KSR2: variants seen among roughly 807,000 people sequenced by gnomAD.
KSR2 encodes kinase suppressor of ras 2.
In KSR2, 25 loss-of-function variants were observed where a neutral mutation model predicts 107.8. The ratio of observed to expected loss-of-function variants is 0.23; its 90% CI spans 0.17 to 0.32. The LOEUF is 0.32. Ranked by LOEUF, KSR2 falls within the 10% of genes least tolerant of loss-of-function variation. The probability of loss-of-function intolerance (pLI) is 1.00; values close to 1 mark genes in which losing one functional copy is unlikely to be tolerated. For missense variants in KSR2, 887 were observed against 1,268.9 expected (o/e 0.70, Z 4.57); for synonymous variants, 480 against 507.0 (o/e 0.95, Z 0.71).
At chr12:117,968,028 G>A in intron 1 of KSR2, 48 bp downstream of exon 1, 1 of 1,059,932 alleles carries the variant, frequency 9.4e-7, no homozygotes, top group Non-Finnish European at 1.3e-6. Flanking sequence ...AAGAAGGATT[G>A]CTTTTTTTTT....
chr12:117,485,728 C>A lies in KSR2; in HGVS notation c.2220-37G>T. The A allele has an allele frequency of 3.5e-6, 5 of 1,444,176 alleles. No homozygotes were observed. In the South Asian group the frequency reaches 5.7e-5, roughly 17 times the overall value. 89.5% of individuals were successfully genotyped at this position (1,444,176 alleles called of 1,614,324 possible). On this transcript the variant is annotated intron_variant, in intron 14 of 19. Coordinates refer to ENST00000339824, the MANE Select transcript of KSR2 (RefSeq NM_173598.6). ...AAGGACAAGATAAATTAATGGCAGT[C>A]GTTCAGAAGAAGGTGACCCACAACA...
At chr12:117,941,089 A>AAT (rs1895991153) in intron 1 of KSR2, among the ~76,000 whole-genome samples, 1 of 152,028 alleles carries the variant, frequency 6.6e-6, no homozygotes, top group African/African-American at 2.4e-5. Flanking sequence ...TGTCTCAAAA[A>AAT]AATAATAATA....
intron 1 of KSR2, among the ~76,000 whole-genome samples, chr12:117,931,868 G>A (rs1566087475): frequency 1.3e-5 from 2 of 152,174 alleles, no homozygotes; most frequent in African/African-American, 4.8e-5. Context: ...TGCACCTATT[G>A]TCTAATCCTC....
intron 14 of KSR2, among the ~76,000 whole-genome samples, chr12:117,513,047 C>A (rs1184971505): frequency 6.6e-6 from 1 of 152,134 alleles, no homozygotes; most frequent in Non-Finnish European, 1.5e-5. Flanking sequence ...TGAGCACCTA[C>A]TTTGTGCAGG....
intron 4 of KSR2, among the ~76,000 whole-genome samples, chr12:117,736,366 C>T (rs558396824): frequency 6.6e-6 from 1 of 152,302 alleles, no homozygotes; most frequent in South Asian, 2.1e-4. Flanking sequence ...CTGTCTGTCT[C>T]CTCTTCTGGC....
intron 1 of KSR2, among the ~76,000 whole-genome samples, chr12:117,944,207 T>C (rs779900239): frequency 1.3e-5 from 2 of 151,716 alleles, no homozygotes; most frequent in Non-Finnish European, 2.9e-5. Context: ...AGAAAGCCCG[T>C]CTCTACTAAA....
chr12:117,479,112 T>C (rs1432048789), intron 16 of KSR2, among the ~76,000 whole-genome samples: 1 of 152,196 alleles, frequency 6.6e-6, no homozygotes, highest in Non-Finnish European at 1.5e-5. Context: ...ATGTATCCCA[T>C]ACATGCGATT....
At chr12:117,558,361 A>T in intron 8 of KSR2, 145 bp downstream of exon 8, 1 of 641,780 alleles carries the variant, frequency 1.6e-6, no homozygotes, top group Non-Finnish European at 2.8e-6. Context: ...GTCAGGAAAC[A>T]GGGCGTCAGA....
At chr12:117,712,640 A>G (rs1172531080) in intron 4 of KSR2, among the ~76,000 whole-genome samples, 3 of 152,250 alleles carry the variant, frequency 2.0e-5, no homozygotes, top group Non-Finnish European at 4.4e-5. Context: ...AGTGTCTGGC[A>G]CATGGTAAGG....
intron 14 of KSR2, among the ~76,000 whole-genome samples, chr12:117,513,269 G>T (rs577536096): frequency 6.4e-4 from 98 of 152,220 alleles, no homozygotes; most frequent in African/African-American, 2.3e-3. Flanking sequence ...ATTCCCAGTG[G>T]TCAATCAATC....
chr12:117,772,103 C>T (rs1054644855), intron 3 of KSR2, among the ~76,000 whole-genome samples: 12 of 150,192 alleles, frequency 8.0e-5, no homozygotes, highest in African/African-American at 3.0e-4. Context: ...CACACACATA[C>T]ACACCTTTCC....
chr12:117,937,194 T>C (rs1158233107), intron 1 of KSR2, among the ~76,000 whole-genome samples: 1 of 152,264 alleles, frequency 6.6e-6, no homozygotes, highest in East Asian at 1.9e-4. Context: ...ATAGTTAATC[T>C]GATCAAACAA....
intron 1 of KSR2, among the ~76,000 whole-genome samples, chr12:117,966,512 T>A (rs1282543412): frequency 6.6e-6 from 1 of 151,966 alleles, no homozygotes; most frequent in Admixed American, 6.6e-5. Context: ...CACCTTGACA[T>A]TGATCTTATT....
chr12:117,952,699 T>C (rs1896397936), intron 1 of KSR2, among the ~76,000 whole-genome samples: 3 of 151,138 alleles, frequency 2.0e-5, no homozygotes. Context: ...AACAACAACT[T>C]TTGGCCGTGC....
chr12:117,795,549 C>T (rs185093666), intron 3 of KSR2, among the ~76,000 whole-genome samples: 245 of 152,254 alleles, frequency 1.6e-3, no homozygotes, highest in Non-Finnish European at 3.0e-3. Context: ...ATGACATTTG[C>T]CTCCAAGATG....
chr12:117,727,212 T>TA (rs56217436), intron 4 of KSR2, among the ~76,000 whole-genome samples: 20,971 of 139,768 alleles, frequency 0.15, 1,563 homozygotes, highest in African/African-American at 0.19. Context: ...CCCATCTCTA[T>TA]AAAAAAAAAA....
In KSR2 at chr12:117,868,955, G is replaced by A. The variant is rs144348078; in HGVS notation, c.181-8524C>T. On this transcript the variant is annotated intron_variant, in intron 1 of 19. Transcript: ENST00000339824. Reference sequence around the variant, plus strand: ...CAGTAGAGATGAGGTTTTGTGCCACGTTGACCAGGTTGGTCTCGAACTCCC... The same window carrying A: ...CAGTAGAGATGAGGTTTTGTGCCACATTGACCAGGTTGGTCTCGAACTCCC... Among the ~76,000 whole-genome samples the A allele has an allele frequency of 3.9e-5, 6 of 152,008 alleles. No homozygotes were observed. The East Asian group carries it at 9.8e-4, about 25-fold the overall frequency.
chr12:117,943,192 G>A (rs1896063691), intron 1 of KSR2, among the ~76,000 whole-genome samples: 1 of 152,102 alleles, frequency 6.6e-6, no homozygotes, highest in Non-Finnish European at 1.5e-5. Context: ...TTCTGACTAA[G>A]TACATATTCT....
intron 5 of KSR2, among the ~76,000 whole-genome samples, chr12:117,601,303 G>GGT (rs1284527329): frequency 6.7e-6 from 1 of 150,018 alleles, no homozygotes; most frequent in East Asian, 2.0e-4. Flanking sequence ...CTTGGGGGGG[G>GGT]GGGTACCTAA....
Sources: gnomAD v4.1 joint callset for allele counts (sites outside exome capture counted in the v4.1 genomes callset) on GRCh38, gnomAD v4.1.1 for gene constraint, MANE v1.5 for transcripts, NCBI Gene and HGNC (gene_info 2026-07-23, HGNC 2026-07-21) for gene names.